The following FAM135A variants were observed in gnomAD, a reference collection of about 807,000 sequenced individuals.
The protein encoded by FAM135A is protein FAM135A.
FAM135A carries 79 observed loss-of-function variants against 146.8 expected under a neutral mutation model. The observed-to-expected ratio is 0.54, with a 90% CI of 0.45 to 0.65. The LOEUF (loss-of-function observed/expected upper bound fraction) is 0.65. Ranked by LOEUF, FAM135A falls within the 30% of genes least tolerant of loss-of-function variation. The pLI, the probability that FAM135A is intolerant of heterozygous loss-of-function variation, is 0.00. For synonymous variants in FAM135A, 562 were observed against 603.6 expected (o/e 0.93, Z 1.01); for missense variants, 1,623 against 1,758.2 (o/e 0.92, Z 1.38).
intron 12 of FAM135A, among the ~76,000 whole-genome samples, chr6:70,516,850 C>CAACAGT (rs1402765975): frequency 1.3e-5 from 2 of 151,960 alleles, no homozygotes; most frequent in African/African-American, 4.8e-5. Context: ...ATAGTATTTT[C>CAACAGT]AACAGTATTG....
chr6:70,546,108 A>G (rs572069497), intron 20 of FAM135A, among the ~76,000 whole-genome samples: 3 of 152,278 alleles, frequency 2.0e-5, no homozygotes, highest in Admixed American at 2.0e-4. Context: ...GTCCATCCCT[A>G]GAAAGTTGCT....
At chr6:70,458,833 T>C (rs1486233828) in intron 5 of FAM135A, among the ~76,000 whole-genome samples, 1 of 152,202 alleles carries the variant, frequency 6.6e-6, no homozygotes, top group South Asian at 2.1e-4. Context: ...TGCCAACTTA[T>C]TACAATCTTT....
intron 16 of FAM135A, among the ~76,000 whole-genome samples, chr6:70,531,182 G>A (rs533894335): frequency 3.9e-5 from 6 of 152,308 alleles, no homozygotes; most frequent in South Asian, 2.1e-4. Context: ...ACACTCTAAT[G>A]ATAAGCAGAT....
At chr6:70,479,928 A>C (rs1324718276) in intron 8 of FAM135A, among the ~76,000 whole-genome samples, 1 of 152,158 alleles carries the variant, frequency 6.6e-6, no homozygotes, top group African/African-American at 2.4e-5. Context: ...ACATTGTATG[A>C]AGTGGAATTT....
Position 70,482,025 on chromosome 6 carries a change from T to G in FAM135A, c.694T>G (p.Ser232Ala). The change falls in exon 10 of 22, where the codon TCC becomes GCC. Residue 232 changes from serine to alanine, a missense_variant. Physicochemically the swap from Ser to Ala is moderately conservative, Grantham distance 99. Transcript: ENST00000418814. Reference sequence around the variant, plus strand: ...GGGTTGTAGCTTCATCATTGCAGACTCCTTCCTACATCATGCGTATCGTTT... The same window carrying G: ...GGGTTGTAGCTTCATCATTGCAGACGCCTTCCTACATCATGCGTATCGTTT... ...PDGCSFIIAD[S>A]FLHHAYRFHY... 6.2e-7 allele frequency: 1 copy of G among 1,613,526 alleles called. No homozygotes were observed. The highest frequency in any genetic ancestry group is 8.5e-7 in the Non-Finnish European group (1 of 1,179,684).
intron 11 of FAM135A, among the ~76,000 whole-genome samples, chr6:70,492,303 ACGT>A (rs529348954): frequency 5.9e-5 from 9 of 151,936 alleles, no homozygotes; most frequent in African/African-American, 2.2e-4. Flanking sequence ...GGTAAAGTTA[ACGT>A]CATGCCATGC....
At chr6:70,513,894 C>T (rs1331886491) in intron 12 of FAM135A, among the ~76,000 whole-genome samples, 2 of 151,948 alleles carry the variant, frequency 1.3e-5, no homozygotes, top group Non-Finnish European at 2.9e-5. Context: ...TATTTTTCCC[C>T]TCTGGCTGCC....
chr6:70,435,105 ATATATTTT>A (rs1429154552), intron 4 of FAM135A, among the ~76,000 whole-genome samples: 2 of 84,886 alleles, frequency 2.4e-5, no homozygotes, highest in African/African-American at 1.1e-4. Flanking sequence ...ATATATATAT[ATATATTTT>A]TTTTTTTTTT....
chr6:70,427,267 C>A (rs1770383488), intron 3 of FAM135A, among the ~76,000 whole-genome samples: 1 of 152,046 alleles, frequency 6.6e-6, no homozygotes, highest in Non-Finnish European at 1.5e-5. Flanking sequence ...GGCGGTGGTT[C>A]ATGCCTGTAA....
intron 5 of FAM135A, among the ~76,000 whole-genome samples, chr6:70,460,442 A>G (rs974198367): frequency 1.3e-5 from 2 of 152,170 alleles, no homozygotes; most frequent in African/African-American, 4.8e-5. Flanking sequence ...GCTGACATTC[A>G]TATCCTGTTT....
rs374379381 is a variant in FAM135A at position 70,559,695 on chromosome 6, T to G, written c.4343-21T>G. 229 of 1,567,838 alleles carry G rather than the reference T, an allele frequency of 1.5e-4. No individual in the cohort carries two copies. The highest frequency in any genetic ancestry group is 4.8e-4 in the East Asian group (21 of 43,904). On this transcript the variant is annotated intron_variant, in intron 21 of 21. Coordinates refer to ENST00000418814, the MANE Select transcript of FAM135A (RefSeq NM_001162529.3). The stretch of plus-strand genomic sequence containing the variant: ...AGTTACTATTGTGAACTAATTTTCC[T>G]TTTTTCTGTTGGTTCCATAGGACAG...
intron 20 of FAM135A, among the ~76,000 whole-genome samples, chr6:70,553,192 A>T (rs1800178346): frequency 6.6e-6 from 1 of 152,172 alleles, no homozygotes; most frequent in African/African-American, 2.4e-5. Context: ...GACTTCAGCC[A>T]TGCCCAGTCA....
chr6:70,438,331 G>T (rs114764951), intron 4 of FAM135A, among the ~76,000 whole-genome samples: 2 of 152,106 alleles, frequency 1.3e-5, no homozygotes, highest in Non-Finnish European at 2.9e-5. Context: ...ACTTTCTGTG[G>T]TTTCAGTTAC....
Position 70,426,610 on chromosome 6 carries a change from G to T in FAM135A, c.-40+78G>T, listed in dbSNP as rs541796523. On this transcript the variant is annotated intron_variant, in intron 3 of 21. Transcript: ENST00000418814. ...AAATTTCTATGAAGAACTGCTTCAA[G>T]AATTGGGAAGGGTCTGAGATTTTAC... 7.2e-5 allele frequency: 11 copies of T among 152,340 alleles called. No homozygotes were observed. In the South Asian group the frequency reaches 2.3e-3, roughly 32 times the overall value. The allele number at this position is 152,340 out of a possible 1,614,324, so 9.4% of individuals were successfully genotyped here.
At chr6:70,540,298 C>T (rs1228382666) in intron 20 of FAM135A, among the ~76,000 whole-genome samples, 2 of 147,862 alleles carry the variant, frequency 1.4e-5, no homozygotes, top group South Asian at 2.2e-4. Flanking sequence ...GCTTTTTAGA[C>T]TCATTTATGA....
chr6:70,556,185 G>A (rs971964116), intron 20 of FAM135A, among the ~76,000 whole-genome samples: 7 of 151,968 alleles, frequency 4.6e-5, no homozygotes, highest in Admixed American at 3.9e-4. Flanking sequence ...GGAGGCAGAG[G>A]TTGCAGTGAG....
chr6:70,521,257 C>G (rs537843950), intron 12 of FAM135A, among the ~76,000 whole-genome samples: 1 of 152,300 alleles, frequency 6.6e-6, no homozygotes, highest in East Asian at 1.9e-4. Context: ...GAAGGAAAAG[C>G]AGCTAGCGCC....
rs199967842 is a variant in FAM135A at position 70,427,905 on chromosome 6, A to AT, written c.-39-390dup. Among the ~76,000 whole-genome samples the AT allele has an allele frequency of 3.2e-4, 49 of 151,658 alleles. No individual in the cohort carries two copies. The East Asian group carries it at 8.5e-3, about 26-fold the overall frequency. ...CTTAACTGGGGATTGAAGAGTGTTAATTTTTTTTTGACTCTGGAGTTACTT... is the reference window on the plus strand; with the variant it reads ...CTTAACTGGGGATTGAAGAGTGTTAATTTTTTTTTTGACTCTGGAGTTACTT... On this transcript the variant is annotated intron_variant, in intron 3 of 21. Coordinates refer to ENST00000418814, the MANE Select transcript of FAM135A (RefSeq NM_001162529.3).
Position 70,443,526 on chromosome 6 carries a change from G to A in FAM135A, c.78-8966G>A, listed in dbSNP as rs564941634. On this transcript the variant is annotated intron_variant, in intron 4 of 21. Coordinates refer to ENST00000418814, the MANE Select transcript of FAM135A (RefSeq NM_001162529.3). ...TACACTACATTGTTCGCACAGTGGC[G>A]AAATCAATCTAAGGATGCCTTTCTC... Among the ~76,000 whole-genome samples, 48 of 152,346 alleles carry A rather than the reference G, an allele frequency of 3.2e-4. No homozygotes were observed. The South Asian group carries it at 5.4e-3, about 17-fold the overall frequency.
Sources: allele counts gnomAD v4.1 joint callset (sites outside exome capture counted in the v4.1 genomes callset), GRCh38; gene constraint gnomAD v4.1.1; transcripts MANE v1.5; gene names NCBI Gene and HGNC (gene_info 2026-07-23, HGNC 2026-07-21).